SLC43A3: variants seen among roughly 807,000 people sequenced by gnomAD.
SLC43A3 encodes the protein solute carrier family 43 member 3.
Under a neutral mutation model 53.3 loss-of-function variants are expected in SLC43A3, and 33 were observed. The observed-to-expected ratio is 0.62, with a 90% CI of 0.47 to 0.83. The LOEUF is 0.83. Ranked by LOEUF, SLC43A3 falls within the 40% of genes least tolerant of loss-of-function variation. SLC43A3 has a pLI of 0.00. For synonymous variants in SLC43A3, 236 were observed against 246.2 expected (o/e 0.96, Z 0.39); for missense variants, 530 against 610.0 (o/e 0.87, Z 1.38).
rs551846375 is a variant in SLC43A3 at position 57,410,632 on chromosome 11, C to CA, written c.1061-512dup. On this transcript the variant is annotated intron_variant, in intron 11 of 13. Transcript: ENST00000395124. ...GAGCACCCTCAGGATAGAGTTACAT[C>CA]AAAAAAAAAAAAAACTCTGCAGAAT... is the stretch of plus-strand genomic sequence containing the variant. 8.1e-3 allele frequency among the ~76,000 whole-genome samples: 1,099 copies of CA among 135,798 alleles called. 5 individuals are homozygous for CA. The highest frequency in any genetic ancestry group is 0.021 in the African/African-American group (790 of 36,822). The allele number at this position is 135,798 out of a possible 152,430, so 89.1% of individuals were successfully genotyped here.
intron 11 of SLC43A3, among the ~76,000 whole-genome samples, chr11:57,413,993 C>A (rs1044628757): frequency 1.3e-5 from 2 of 152,226 alleles, no homozygotes; most frequent in Admixed American, 6.5e-5. Flanking sequence ...ATTATGTGCG[C>A]TTCTTTGTGC....
At position 57,407,732 on chromosome 11, in the gene SLC43A3, T is replaced by C; in HGVS notation, c.*60A>G. ...CAAAGTCTTTTGGGACACGAGGTCC[T>C]CAAAGGTGGTGGAAGATGAACAAAA... On this transcript the variant is annotated 3_prime_UTR_variant, in exon 14 of 14. Transcript: ENST00000395124. 9.7e-7 allele frequency: 1 copy of C among 1,031,616 alleles called. No homozygotes were observed. Among genetic ancestry groups the C allele is most frequent in the Admixed American group, 1.8e-5 (1 of 56,986 alleles). 63.9% of individuals were successfully genotyped at this position (1,031,616 alleles called of 1,614,324 possible).
At chr11:57,409,423 C>A in intron 12 of SLC43A3, 125 bp from the exon 13 acceptor site, 2 of 1,081,290 alleles carry the variant, frequency 1.8e-6, no homozygotes, top group Non-Finnish European at 2.7e-6. Context: ...GCCCTCCAAC[C>A]ACACCTGTCT....
chr11:57,412,106 C>A (rs1001292577), intron 11 of SLC43A3, among the ~76,000 whole-genome samples: 5 of 152,028 alleles, frequency 3.3e-5, no homozygotes, highest in African/African-American at 1.2e-4. Flanking sequence ...TTAAAGAAAC[C>A]CAGGGCTAGT....
chr11:57,419,506 A>G (rs1193225591), intron 7 of SLC43A3, among the ~76,000 whole-genome samples: 1 of 152,130 alleles, frequency 6.6e-6, no homozygotes, highest in Non-Finnish European at 1.5e-5. Context: ...CTCTAGAGAG[A>G]CAGGAGAGAG....
At chr11:57,424,327 A>G (rs1247268025) in intron 4 of SLC43A3, among the ~76,000 whole-genome samples, 3 of 152,202 alleles carry the variant, frequency 2.0e-5, no homozygotes, top group Non-Finnish European at 2.9e-5. Flanking sequence ...CTTGGGACTT[A>G]GCCAGGACAG....
Position 57,417,987 on chromosome 11 carries a change from G to C in SLC43A3, c.532-100C>G, listed in dbSNP as rs1007535749. On this transcript the variant is annotated intron_variant, in intron 7 of 13. Coordinates refer to ENST00000395124, the MANE Select transcript of SLC43A3 (RefSeq NM_199329.3). ...GAAGCAAACTAAGGGTCCATCAGCA[G>C]ATGAACAGCTAAACATAATGTGATC... 4.2e-5 allele frequency: 44 copies of C among 1,057,974 alleles called. No individual in the cohort carries two copies. The South Asian group carries it at 6.1e-4, about 15-fold the overall frequency. The allele number at this position is 1,057,974 out of a possible 1,614,324, so 65.5% of individuals were successfully genotyped here.
At chr11:57,416,513 G>T in intron 9 of SLC43A3, 60 bp downstream of exon 9, 1 of 1,398,012 alleles carries the variant, frequency 7.2e-7, no homozygotes. Context: ...TGAGGGGCCA[G>T]GAAAGGCACA....
intron 13 of SLC43A3, chr11:57,408,425 G>A (rs1942300424): frequency 1.3e-5 from 2 of 155,562 alleles, no homozygotes; most frequent in Admixed American, 1.2e-4. Context: ...AAATAAGCTT[G>A]GCATGGTGGC....
In SLC43A3 at chr11:57,408,263, T is replaced by A. The variant is rs552734578; in HGVS notation, c.1372-367A>T. ...CACAATCAAGTCATTCGCCTCAGAT[T>A]TCAAGTTTACTCTTTTGGCCATGCA... On this transcript the variant is annotated intron_variant, in intron 13 of 13. Transcript: ENST00000395124. 2.5e-5 allele frequency: 5 copies of A among 200,130 alleles called. No homozygotes were observed. The South Asian group carries it at 4.8e-4, about 19-fold the overall frequency. The allele number at this position is 200,130 out of a possible 1,614,324, so 12.4% of individuals were successfully genotyped here.
intron 12 of SLC43A3, among the ~76,000 whole-genome samples, chr11:57,409,501 C>T (rs184955878): frequency 1.3e-5 from 2 of 152,186 alleles, no homozygotes; most frequent in East Asian, 3.9e-4. Flanking sequence ...ACATGCGGGG[C>T]CCTGGAAAAA....
At position 57,414,960 on chromosome 11, in the gene SLC43A3, T is replaced by TG. The variant is rs1942651054; in HGVS notation, c.915dup (p.Asn306GlnfsTer38). 6.2e-7 allele frequency: 1 copy of TG among 1,613,588 alleles called. No individual in the cohort carries two copies. Among genetic ancestry groups the TG allele is most frequent in the African/African-American group, 1.3e-5 (1 of 75,022 alleles). ...CGTGCCATGTCCCCACCGGCCATGT[T>TG]GGTCAGCAAGGAGTTGAGAGTGCCA... is the stretch of plus-strand genomic sequence containing the variant. On this transcript the variant is annotated frameshift_variant, in exon 10 of 14. Transcript: ENST00000395124. LOFTEE classifies it high-confidence loss of function.
chr11:57,420,964 A>G lies in SLC43A3; in HGVS notation c.531+8T>C. ...TGCCCAGTGAATGTAGGCTGTTGCT[A>G]TATTTACCTTAATAATAAGGAAGAC... On this transcript the variant is annotated splice_region_variant and intron_variant, in intron 7 of 13. Transcript: ENST00000395124. The G allele has an allele frequency of 1.3e-6, 2 of 1,570,710 alleles. No individual in the cohort carries two copies. Among genetic ancestry groups the G allele is most frequent in the Non-Finnish European group, 1.8e-6 (2 of 1,140,330 alleles).
At chr11:57,413,192 A>G (rs1052608038) in intron 11 of SLC43A3, among the ~76,000 whole-genome samples, 22 of 152,242 alleles carry the variant, frequency 1.4e-4, no homozygotes, top group Admixed American at 8.5e-4. Flanking sequence ...AATATGGGGA[A>G]ATGACCCAGT....
chr11:57,421,310 A>G lies in SLC43A3; in HGVS notation c.425T>C (p.Ile142Thr). ...MLTIGGILFL[I>T]TNLQIGNLFG... ...GAAGGCTCCCACCTGCAGGTTGGTG[A>G]TGAGAAACAGGATTCCCCCAATGGT... Residue 142 changes from isoleucine to threonine, a missense_variant, in exon 6 of 14, where the codon ATC (isoleucine) becomes ACC (threonine). Physicochemically the swap from Ile to Thr is moderately conservative, Grantham distance 89. Transcript: ENST00000395124. 3 of 1,613,686 alleles carry G rather than the reference A, an allele frequency of 1.9e-6. No individual in the cohort carries two copies. The highest frequency in any genetic ancestry group is 1.1e-5 in the South Asian group (1 of 90,994).
intron 7 of SLC43A3, among the ~76,000 whole-genome samples, chr11:57,418,701 C>T (rs1942835315): frequency 6.6e-6 from 1 of 151,974 alleles, no homozygotes; most frequent in Non-Finnish European, 1.5e-5. Flanking sequence ...ACCAGCCTGG[C>T]CAACATGGTG....
rs1444743847 is a variant in SLC43A3, at chr11:57,414,941, A to G, written c.935T>C (p.Met312Thr). Residue 312 changes from methionine (M) to threonine (T), a missense_variant, in exon 10 of 14, where the codon ATG becomes ACG. Met to Thr is a moderately conservative substitution (Grantham distance 81, BLOSUM62 -1). Around this residue, in one of 3 missense-constraint regions of SLC43A3, gnomAD observed 376 missense variants for 386.7 expected, o/e 0.97. Coordinates refer to ENST00000395124, the MANE Select transcript of SLC43A3 (RefSeq NM_199329.3). ...SLLTNMAGGD[M>T]ARVSTYTNAF... is the part of the protein sequence containing the mutation. ...CCAGCCCTACCACATACCTCGTGCC[A>G]TGTCCCCACCGGCCATGTTGGTCAG... 3 of 1,612,680 alleles carry G rather than the reference A, an allele frequency of 1.9e-6. No homozygotes were observed. The highest frequency in any genetic ancestry group is 2.5e-6 in the Non-Finnish European group (3 of 1,180,008).
chr11:57,417,756 G>A lies in SLC43A3; in HGVS notation c.663C>T (p.Tyr221=). The A allele has an allele frequency of 6.2e-7, 1 of 1,614,158 alleles. No homozygotes were observed. The highest frequency in any genetic ancestry group is 8.5e-7 in the Non-Finnish European group (1 of 1,180,020). The change falls in exon 8 of 14, where the codon TAC becomes TAT. Residue 221 remains tyrosine (Y), a synonymous_variant. Coordinates refer to ENST00000395124, the MANE Select transcript of SLC43A3 (RefSeq NM_199329.3). The stretch of plus-strand genomic sequence containing the variant: ...CACCAGATAGTCCTTACCCATAGCT[G>A]TAGTTGGGGGGCAGTGGGTATGGGA... The part of the protein sequence containing the change: ...GHIPYPLPPN[Y]SYGLCPGNGT...
At position 57,417,729 on chromosome 11, in the gene SLC43A3, A is replaced by G. The variant is rs1942786817; in HGVS notation, c.671+19T>C. On this transcript the variant is annotated intron_variant, in intron 8 of 13. Transcript: ENST00000395124. The stretch of plus-strand genomic sequence containing the variant: ...GGCCAATGAGGGGCTCTGGCCCACA[A>G]TCACCAGATAGTCCTTACCCATAGC... The G allele has an allele frequency of 5.6e-6, 9 of 1,613,836 alleles. No homozygotes were observed. In the South Asian group the frequency reaches 6.6e-5, roughly 12 times the overall value.
Sources: allele counts gnomAD v4.1 joint callset (sites outside exome capture counted in the v4.1 genomes callset), GRCh38; gene constraint gnomAD v4.1.1; regional missense constraint gnomAD v4.1.1; transcripts MANE v1.5; gene names NCBI Gene and HGNC (gene_info 2026-07-23, HGNC 2026-07-21).